Variants in CACNA1A observed in about 807,000 individuals in gnomAD.
The protein encoded by CACNA1A is voltage-dependent P/Q-type calcium channel subunit alpha-1A.
Under a neutral mutation model 262.4 loss-of-function variants are expected in CACNA1A, and 57 were observed. That is an observed-to-expected ratio of 0.22 (90% CI 0.18 to 0.27). The LOEUF (loss-of-function observed/expected upper bound fraction) is 0.27. CACNA1A is among the 10% of genes least tolerant of loss of function. The pLI is 1.00. For missense variants in CACNA1A, 2,526 were observed against 3,562.8 expected (o/e 0.71, Z 7.41); for synonymous variants, 1,431 against 1,419.3 (o/e 1.01, Z -0.18).
chr19:13,239,829 G>A (rs1027622222), intron 31 of CACNA1A, among the ~76,000 whole-genome samples: 2 of 151,994 alleles, frequency 1.3e-5, no homozygotes, highest in Non-Finnish European at 2.9e-5. Context: ...ATGACTGTAT[G>A]TGAGAGACAC....
At chr19:13,222,712 T>G (rs2055280560) in intron 38 of CACNA1A, among the ~76,000 whole-genome samples, 1 of 148,708 alleles carries the variant, frequency 6.7e-6, no homozygotes, top group Non-Finnish European at 1.5e-5. Flanking sequence ...TTTTTTTTTT[T>G]GAGACAGCGT....
intron 3 of CACNA1A, among the ~76,000 whole-genome samples, chr19:13,402,073 C>T (rs2059908238): frequency 6.6e-6 from 1 of 152,230 alleles, no homozygotes; most frequent in Non-Finnish European, 1.5e-5. Context: ...TTAACTAACA[C>T]AGCCTCTTCT....
At chr19:13,415,584 C>CAT (rs2060205415) in intron 3 of CACNA1A, among the ~76,000 whole-genome samples, 1 of 151,082 alleles carries the variant, frequency 6.6e-6, no homozygotes, top group Admixed American at 6.6e-5. Context: ...CTACTGAAAA[C>CAT]ACAAAAATTA....
chr19:13,243,338 C>T (rs1270465181), intron 31 of CACNA1A, among the ~76,000 whole-genome samples: 1 of 152,254 alleles, frequency 6.6e-6, no homozygotes, highest in Middle Eastern at 3.4e-3. Context: ...GTGCGGGTGC[C>T]GTAGGACATA....
chr19:13,224,249 G>A (rs905878436), intron 38 of CACNA1A, among the ~76,000 whole-genome samples: 8 of 151,854 alleles, frequency 5.3e-5, no homozygotes, highest in African/African-American at 1.7e-4. Context: ...GCTTGAACCC[G>A]GGAGGCGGAG....
At position 13,298,631 on chromosome 19, in the gene CACNA1A, C is replaced by T. The variant is rs1424294725; in HGVS notation, c.3002G>A (p.Arg1001His). Residue 1001 changes from arginine to histidine, a missense_variant, in exon 19 of 47, where the codon CGC becomes CAC. Coordinates refer to ENST00000360228, the MANE Select transcript of CACNA1A (RefSeq NM_001127222.2). ...AGCGCCATGCCGGTGCCTTCTCCTG[C>T]GCTCGCCCCCGTCGGGGCCCTCGCC... The part of the protein sequence containing the change: ...GEGEGPDGGE[R>H]RRRHRHGAPA... 11 of 1,526,744 alleles carry T rather than the reference C, an allele frequency of 7.2e-6. No homozygotes were observed. The highest frequency in any genetic ancestry group is 8.8e-6 in the Non-Finnish European group (10 of 1,136,306). 94.6% of individuals were successfully genotyped at this position (1,526,744 alleles called of 1,614,324 possible).
chr19:13,209,142 G>T, intron 45 of CACNA1A, 133 bp from the exon 46 acceptor site: 1 of 1,371,564 alleles, frequency 7.3e-7, no homozygotes, highest in East Asian at 2.5e-5. Flanking sequence ...TCAGTGGGTT[G>T]GGGGGAGGGG....
At chr19:13,414,978 C>A (rs1216143211) in intron 3 of CACNA1A, among the ~76,000 whole-genome samples, 1 of 151,904 alleles carries the variant, frequency 6.6e-6, no homozygotes, top group Non-Finnish European at 1.5e-5. Flanking sequence ...AAAAGCAAAA[C>A]AAACAACAAC....
intron 40 of CACNA1A, chr19:13,213,948 A>T (rs1181699211): frequency 2.7e-6 from 1 of 364,922 alleles, no homozygotes; most frequent in African/African-American, 2.1e-5. Context: ...GGCCTCCTAA[A>T]TAGCTGGGAC....
In CACNA1A at chr19:13,214,732, C is replaced by T; in HGVS notation, c.5732-124G>A. 2.7e-6 allele frequency: 2 copies of T among 735,352 alleles called. No individual in the cohort carries two copies. The highest frequency in any genetic ancestry group is 1.7e-5 in the South Asian group (1 of 59,276). The allele number at this position is 735,352 out of a possible 1,614,324, so 45.6% of individuals were successfully genotyped here. The stretch of plus-strand genomic sequence containing the variant: ...ATCTTTCTGGTCCCCATGGGGTCTC[C>T]AGTTCCCCAACGGCCTGGCCCAGAG... On this transcript the variant is annotated intron_variant, in intron 38 of 46. Coordinates refer to ENST00000360228, the MANE Select transcript of CACNA1A (RefSeq NM_001127222.2). The surrounding 1 kb of genome is among the most constrained non-coding windows in gnomAD (Gnocchi z 4.1).
At chr19:13,246,302 G>C (rs1026698082) in intron 30 of CACNA1A, among the ~76,000 whole-genome samples, 1 of 152,190 alleles carries the variant, frequency 6.6e-6, no homozygotes, top group Non-Finnish European at 1.5e-5. Context: ...CTTGTGTTTA[G>C]ATGGGGCCAT....
chr19:13,387,584 C>G (rs2059636849), intron 3 of CACNA1A, among the ~76,000 whole-genome samples: 1 of 152,200 alleles, frequency 6.6e-6, no homozygotes, highest in African/African-American at 2.4e-5. Context: ...CATGCCTTCA[C>G]TAGCCTGAGC....
intron 19 of CACNA1A, 130 bp downstream of exon 19, chr19:13,298,414 C>A: frequency 2.3e-6 from 2 of 867,824 alleles, no homozygotes; most frequent in South Asian, 1.9e-5. Flanking sequence ...CAGGCGTGAG[C>A]CACTGCGCCT....
At position 13,298,526 on chromosome 19, in the gene CACNA1A, G is replaced by A. The variant is rs1315310199; in HGVS notation, c.3089+18C>T. 15 of 1,534,126 alleles carry A rather than the reference G, an allele frequency of 9.8e-6. No individual in the cohort carries two copies. The highest frequency in any genetic ancestry group is 1.3e-5 in the Non-Finnish European group (15 of 1,136,618). On this transcript the variant is annotated intron_variant, in intron 19 of 46. Transcript: ENST00000360228. ...AATGTTACCGTCATTCTGCGGATTC[G>A]AGGTCACCTCCACTTACTTCCTCCT...
At chr19:13,337,611 G>A (rs2058598327) in intron 6 of CACNA1A, among the ~76,000 whole-genome samples, 1 of 152,142 alleles carries the variant, frequency 6.6e-6, no homozygotes. Flanking sequence ...CTGGGGGTTA[G>A]GACTTCAACA....
chr19:13,378,112 C>T (rs938849970), intron 3 of CACNA1A, among the ~76,000 whole-genome samples: 1 of 152,182 alleles, frequency 6.6e-6, no homozygotes, highest in African/African-American at 2.4e-5. Context: ...CAAGACTTCA[C>T]TGGAGGAAGA....
intron 1 of CACNA1A, among the ~76,000 whole-genome samples, chr19:13,501,827 A>G (rs1982410680): frequency 1.3e-5 from 2 of 152,340 alleles, no homozygotes; most frequent in South Asian, 4.1e-4. Flanking sequence ...AACTGAAGTC[A>G]GTTCAGGTTA....
At chr19:13,471,898 C>A (rs751118264) in intron 1 of CACNA1A, among the ~76,000 whole-genome samples, 1 of 152,052 alleles carries the variant, frequency 6.6e-6, no homozygotes, top group African/African-American at 2.4e-5. Context: ...ATTGTGAATG[C>A]GCTGAATGCC....
intron 45 of CACNA1A, 106 bp downstream of exon 45, chr19:13,209,205 TG>T: frequency 7.4e-7 from 1 of 1,350,064 alleles, no homozygotes; most frequent in Non-Finnish European, 9.8e-7. Flanking sequence ...CCCCTCTCCA[TG>T]GAGGCCTCTC....
Sources: allele counts gnomAD v4.1 joint callset (sites outside exome capture counted in the v4.1 genomes callset), GRCh38; gene constraint gnomAD v4.1.1; non-coding constraint Gnocchi (gnomAD v3.1); transcripts MANE v1.5; gene names NCBI Gene and HGNC (gene_info 2026-07-23, HGNC 2026-07-21).